CFAP54: variants seen among roughly 807,000 people sequenced by gnomAD.
CFAP54 encodes cilia and flagella associated protein 54, also known as cilia- and flagella-associated protein 54.
In CFAP54, 290 loss-of-function variants were observed where a neutral mutation model predicts 370.4. That is an observed-to-expected ratio of 0.78 (90% CI 0.71 to 0.86). CFAP54 has a LOEUF of 0.86. Among genes scored for constraint, CFAP54 ranks in the 40% least tolerant of loss-of-function variants. The pLI is 0.00. For missense variants in CFAP54, 3,399 were observed against 3,528.7 expected (o/e 0.96, Z 0.93); for synonymous variants, 1,206 against 1,236.5 (o/e 0.98, Z 0.52).
chr12:96,863,475 C>T (rs545805187), intron 67 of CFAP54, among the ~76,000 whole-genome samples: 51 of 152,294 alleles, frequency 3.3e-4, no homozygotes, highest in Middle Eastern at 3.4e-3. Flanking sequence ...CACAGTTAGT[C>T]GGAAGTAGAG....
chr12:96,586,662 G>A (rs955676687), intron 22 of CFAP54, among the ~76,000 whole-genome samples: 1 of 152,186 alleles, frequency 6.6e-6, no homozygotes, highest in African/African-American at 2.4e-5. Flanking sequence ...GACCCATGGA[G>A]AGTAAAAGGG....
intron 50 of CFAP54, among the ~76,000 whole-genome samples, chr12:96,736,400 G>A (rs11108664): frequency 0.34 from 51,180 of 151,898 alleles, 9,186 homozygotes; most frequent in East Asian, 0.58. Flanking sequence ...TGATTGGCCC[G>A]GCTTGGCTCA....
At chr12:96,725,283 C>T (rs1192822683) in intron 50 of CFAP54, among the ~76,000 whole-genome samples, 3 of 151,224 alleles carry the variant, frequency 2.0e-5, no homozygotes, top group African/African-American at 4.9e-5. Context: ...GCCATTTTCA[C>T]GATATTGATT....
chr12:96,657,670 AG>A (rs1956937396), intron 36 of CFAP54, among the ~76,000 whole-genome samples: 1 of 152,260 alleles, frequency 6.6e-6, no homozygotes, highest in South Asian at 2.1e-4. Flanking sequence ...GATAATGAAC[AG>A]CACAAATATA....
Position 96,621,653 on chromosome 12 carries a change from T to A in CFAP54, c.3703T>A (p.Leu1235Met), listed in dbSNP as rs1453004785. The A allele has an allele frequency of 6.5e-7, 1 of 1,526,980 alleles. No individual in the cohort carries two copies. The highest frequency in any genetic ancestry group is 1.4e-5 in the African/African-American group (1 of 72,838). 94.6% of individuals were successfully genotyped at this position (1,526,980 alleles called of 1,614,324 possible). A position where few individuals can be genotyped will look rare whatever the true frequency, so the allele number is the denominator to read the frequency against. The change falls in exon 27 of 68, where the codon TTG (leucine) becomes ATG (methionine). Residue 1235 changes from leucine (L) to methionine (M), a missense_variant. This residue lies in a region of CFAP54 where 2,796 missense variants were observed against 2,869.7 expected (regional missense o/e 0.97). Transcript: ENST00000524981. ...VMIINYGKKMLDITPGCKSLF... is the reference protein window; with the variant it reads ...VMIINYGKKMMDITPGCKSLF... ...GATTATAAATTATGGGAAAAAAATG[T>A]TGGACATCACACCAGGATGCAAGTC...
intron 64 of CFAP54, 128 bp downstream of exon 64, chr12:96,811,970 T>C: frequency 1.8e-6 from 1 of 561,518 alleles, no homozygotes; most frequent in Non-Finnish European, 3.1e-6. Flanking sequence ...ATCTTCCTTT[T>C]GTTTAGAGGA....
chr12:96,684,501 G>GTATATA, intron 40 of CFAP54, 147 bp from the exon 41 acceptor site: 1 of 621,832 alleles, frequency 1.6e-6, no homozygotes, highest in Non-Finnish European at 2.9e-6. Context: ...TATATATCGT[G>GTATATA]TGACATTTGA....
At chr12:96,547,729 A>G (rs1212782370) in intron 14 of CFAP54, among the ~76,000 whole-genome samples, 173 bp from the exon 15 acceptor site, 2 of 152,092 alleles carry the variant, frequency 1.3e-5, no homozygotes, top group Non-Finnish European at 2.9e-5. Context: ...ATTCACTGCT[A>G]TATTTCCATT....
chr12:96,663,814 A>T lies in CFAP54; in HGVS notation c.5461-16A>T. 1 of 1,584,190 alleles carries T rather than the reference A, an allele frequency of 6.3e-7. No individual in the cohort carries two copies. The highest frequency in any genetic ancestry group is 8.7e-7 in the Non-Finnish European group (1 of 1,154,782). The stretch of plus-strand genomic sequence containing the variant: ...AAATACCCGACTAATATTTGTTTTC[A>T]CCTTTCTTTTTAAAGATAACTTGCC... On this transcript the variant is annotated splice_polypyrimidine_tract_variant and intron_variant, in intron 38 of 67. Transcript: ENST00000524981.
At chr12:96,766,909 G>A (rs1182526946) in intron 60 of CFAP54, among the ~76,000 whole-genome samples, 1 of 152,162 alleles carries the variant, frequency 6.6e-6, no homozygotes, top group East Asian at 1.9e-4. Context: ...CAGCTCATGT[G>A]TTCTGCTTCA....
chr12:96,585,414 T>C (rs1956067765), intron 22 of CFAP54, among the ~76,000 whole-genome samples: 1 of 152,176 alleles, frequency 6.6e-6, no homozygotes, highest in African/African-American at 2.4e-5. Flanking sequence ...CTGCAAATGC[T>C]CTTCCCCCAG....
chr12:96,632,454 C>T (rs995949482), intron 32 of CFAP54, among the ~76,000 whole-genome samples: 5 of 151,844 alleles, frequency 3.3e-5, no homozygotes, highest in African/African-American at 1.2e-4. Flanking sequence ...CCCTTTCACT[C>T]TTTTTTTAGT....
At position 96,527,379 on chromosome 12, in the gene CFAP54, C is replaced by G. The variant is rs760356170; in HGVS notation, c.1292C>G (p.Thr431Arg). Reference sequence around the variant, plus strand: ...ATACTGCAAACTGGACCCATTGTTACAGATGAAGTGGAGATTCATGATGTT... The same window carrying G: ...ATACTGCAAACTGGACCCATTGTTAGAGATGAAGTGGAGATTCATGATGTT... ...RRILQTGPIV[T>R]DEVEIHDVVS... The change falls in exon 9 of 68, where the codon ACA (threonine) becomes AGA (arginine). Residue 431 changes from threonine (T) to arginine (R), a missense_variant. Physicochemically the swap from Thr to Arg is moderately conservative, Grantham distance 71 (BLOSUM62 -1). Coordinates refer to ENST00000524981, the MANE Select transcript of CFAP54 (RefSeq NM_001306084.2). 53 of 1,534,896 alleles carry G rather than the reference C, an allele frequency of 3.5e-5. No individual in the cohort carries two copies. Among genetic ancestry groups the G allele is most frequent in the Non-Finnish European group, 4.4e-5 (51 of 1,146,252 alleles).
intron 8 of CFAP54, among the ~76,000 whole-genome samples, chr12:96,523,294 T>C (rs1405424437): frequency 6.6e-6 from 1 of 152,190 alleles, no homozygotes; most frequent in Non-Finnish European, 1.5e-5. Context: ...AATGACTGGC[T>C]CAAGGTCACA....
chr12:96,627,829 T>A (rs1956563471), intron 30 of CFAP54, among the ~76,000 whole-genome samples: 1 of 152,172 alleles, frequency 6.6e-6, no homozygotes, highest in South Asian at 2.1e-4. Flanking sequence ...TGTTCTTGAT[T>A]CCAAAGAAAA....
intron 65 of CFAP54, among the ~76,000 whole-genome samples, chr12:96,818,461 C>T (rs546815933): frequency 6.6e-6 from 1 of 152,234 alleles, no homozygotes; most frequent in Admixed American, 6.5e-5. Flanking sequence ...CCTGAGTTCT[C>T]AGTTCTCCTG....
At chr12:96,671,506 C>T (rs1335086078) in intron 39 of CFAP54, among the ~76,000 whole-genome samples, 4 of 152,170 alleles carry the variant, frequency 2.6e-5, no homozygotes, top group Non-Finnish European at 4.4e-5. Flanking sequence ...TCATCAGTGT[C>T]TGATATATAG....
chr12:96,631,340 C>A (rs1230873896), intron 32 of CFAP54, among the ~76,000 whole-genome samples: 1 of 151,806 alleles, frequency 6.6e-6, no homozygotes, highest in East Asian at 1.9e-4. Flanking sequence ...GTATGCATTT[C>A]TGTTTTCCTC....
chr12:96,648,467 G>A (rs1483072549), intron 34 of CFAP54, among the ~76,000 whole-genome samples: 1 of 151,648 alleles, frequency 6.6e-6, no homozygotes, highest in Non-Finnish European at 1.5e-5. Flanking sequence ...CATTGCCCTA[G>A]GATTTCCAAC....
Sources: allele counts gnomAD v4.1 joint callset (sites outside exome capture counted in the v4.1 genomes callset), GRCh38; gene constraint gnomAD v4.1.1; regional missense constraint gnomAD v4.1.1; transcripts MANE v1.5; gene names NCBI Gene and HGNC (gene_info 2026-07-23, HGNC 2026-07-21).